ADGRL3: variants seen among roughly 807,000 people sequenced by gnomAD.
The protein encoded by ADGRL3 is adhesion G protein-coupled receptor L3, also known as calcium-independent alpha-latrotoxin receptor 3.
In ADGRL3, 62 loss-of-function variants were observed where a neutral mutation model predicts 153.5. The ratio of observed to expected loss-of-function variants is 0.40; its 90% confidence interval spans 0.33 to 0.50. The LOEUF is 0.50. Among genes scored for constraint, ADGRL3 ranks in the 20% least tolerant of loss-of-function variants. The pLI is 0.47. For missense variants in ADGRL3, 1,641 were observed against 1,859.4 expected, an observed-to-expected ratio of 0.88 and a Z score of 2.16; for synonymous variants, 710 against 672.5, an observed-to-expected ratio of 1.06 and a Z score of -0.86.
chr4:61,345,023 C>T (rs2095872882), intron 1 of ADGRL3, among the ~76,000 whole-genome samples: 1 of 151,358 alleles, frequency 6.6e-6, no homozygotes. Flanking sequence ...GTCTCGAACT[C>T]CTGACCTCAG....
intron 3 of ADGRL3, among the ~76,000 whole-genome samples, chr4:61,505,839 C>A (rs1476244047): frequency 5.3e-5 from 8 of 151,156 alleles, no homozygotes; most frequent in Non-Finnish European, 4.4e-5. Flanking sequence ...AAAAAACAAA[C>A]AAAAATGTAA....
intron 4 of ADGRL3, among the ~76,000 whole-genome samples, chr4:61,570,397 C>T (rs2098833704): frequency 6.6e-6 from 1 of 152,040 alleles, no homozygotes; most frequent in Non-Finnish European, 1.5e-5. Context: ...AACTTTTATT[C>T]CATCTATCTG....
At chr4:61,946,407 A>C (rs1369042867) in intron 15 of ADGRL3, among the ~76,000 whole-genome samples, 2 of 152,016 alleles carry the variant, frequency 1.3e-5, no homozygotes, top group Non-Finnish European at 2.9e-5. Flanking sequence ...TTAAGATGCC[A>C]TTATTTTATT....
intron 6 of ADGRL3, among the ~76,000 whole-genome samples, chr4:61,688,580 C>T (rs1003574024): frequency 2.0e-5 from 3 of 152,118 alleles, no homozygotes; most frequent in East Asian, 1.9e-4. Flanking sequence ...CATAGCCATT[C>T]GAATTAATAC....
intron 6 of ADGRL3, among the ~76,000 whole-genome samples, chr4:61,700,463 T>G (rs2095735781): frequency 6.6e-6 from 1 of 152,156 alleles, no homozygotes; most frequent in Non-Finnish European, 1.5e-5. Flanking sequence ...AATATAGCAG[T>G]TGCCTTCAGG....
At chr4:61,615,284 C>T (rs926733299) in intron 5 of ADGRL3, among the ~76,000 whole-genome samples, 5 of 151,940 alleles carry the variant, frequency 3.3e-5, no homozygotes, top group African/African-American at 4.8e-5. Context: ...CTGGGCTTTA[C>T]ATAAAAAGAG....
At chr4:61,415,995 C>T (rs1350196390) in intron 2 of ADGRL3, among the ~76,000 whole-genome samples, 1 of 152,018 alleles carries the variant, frequency 6.6e-6, no homozygotes, top group Non-Finnish European at 1.5e-5. Context: ...CCTTTTTCTC[C>T]ATCTGTCTCT....
intron 5 of ADGRL3, among the ~76,000 whole-genome samples, chr4:61,615,294 G>A (rs1270942255): frequency 6.6e-6 from 1 of 152,044 alleles, no homozygotes; most frequent in East Asian, 1.9e-4. Context: ...CATAAAAAGA[G>A]TAATTGATCA....
chr4:61,553,286 G>A (rs7693763), intron 4 of ADGRL3, among the ~76,000 whole-genome samples: 105,176 of 152,062 alleles, frequency 0.69, 37,771 homozygotes, highest in East Asian at 0.91. Flanking sequence ...TCTATTCAAC[G>A]TAAGCATCTC....
intron 6 of ADGRL3, among the ~76,000 whole-genome samples, chr4:61,728,226 CATA>C: frequency 6.6e-6 from 1 of 151,980 alleles, no homozygotes; most frequent in East Asian, 1.9e-4. Context: ...TGGGCAAGAT[CATA>C]ATAATTTTCT....
intron 16 of ADGRL3, 141 bp from the exon 17 acceptor site, chr4:61,947,959 G>A (rs1459490512): frequency 4.5e-5 from 28 of 623,782 alleles, no homozygotes; most frequent in Non-Finnish European, 7.0e-5. Context: ...AATTGTTGAG[G>A]CCCACTTATG....
chr4:61,236,304 C>T (rs112272498), intron 1 of ADGRL3, among the ~76,000 whole-genome samples: 10,228 of 152,066 alleles, frequency 0.067, 429 homozygotes, highest in African/African-American at 0.1. Flanking sequence ...GCCACTGTGC[C>T]CTGCCTCTTT....
chr4:62,002,899 C>G (rs2099145496), intron 21 of ADGRL3, among the ~76,000 whole-genome samples: 1 of 152,102 alleles, frequency 6.6e-6, no homozygotes, highest in Non-Finnish European at 1.5e-5. Context: ...AATTAACTTA[C>G]AGTATGGCTG....
chr4:61,400,127 G>A (rs1265008007), intron 2 of ADGRL3, among the ~76,000 whole-genome samples: 1 of 151,664 alleles, frequency 6.6e-6, no homozygotes, highest in Non-Finnish European at 1.5e-5. Flanking sequence ...AAGAGGTTCA[G>A]TTGAGTTTTT....
intron 8 of ADGRL3, among the ~76,000 whole-genome samples, chr4:61,810,924 A>C (rs2097608206): frequency 6.6e-6 from 1 of 152,056 alleles, no homozygotes; most frequent in Admixed American, 6.6e-5. Context: ...TCATAATATT[A>C]ATCATTTCAA....
chr4:61,872,110 G>A (rs369135671), intron 9 of ADGRL3, among the ~76,000 whole-genome samples: 4 of 152,160 alleles, frequency 2.6e-5, no homozygotes, highest in East Asian at 1.9e-4. Context: ...TATGTTTAGC[G>A]AAAATTTGAA....
intron 4 of ADGRL3, among the ~76,000 whole-genome samples, chr4:61,574,566 G>A (rs1048035736): frequency 7.9e-5 from 12 of 151,718 alleles, no homozygotes; most frequent in Non-Finnish European, 1.5e-5. Flanking sequence ...AAGAATCTTG[G>A]AGATACTAGA....
At chr4:61,409,597 T>C (rs1043548990) in intron 2 of ADGRL3, among the ~76,000 whole-genome samples, 1 of 151,298 alleles carries the variant, frequency 6.6e-6, no homozygotes, top group Non-Finnish European at 1.5e-5. Context: ...GAAAGCCTAA[T>C]TGTGTAGAGG....
intron 9 of ADGRL3, among the ~76,000 whole-genome samples, chr4:61,879,059 A>G (rs535114552): frequency 1.6e-4 from 25 of 152,276 alleles, no homozygotes; most frequent in African/African-American, 5.8e-4. Flanking sequence ...TTGAAATATC[A>G]TAGAGTAGGC....
Sources: allele counts gnomAD v4.1 joint callset (sites outside exome capture counted in the v4.1 genomes callset), GRCh38; gene constraint gnomAD v4.1.1; transcripts MANE v1.5; gene names NCBI Gene and HGNC (gene_info 2026-07-23, HGNC 2026-07-21).